PRKCA: variants seen among roughly 807,000 people sequenced by gnomAD.
The protein encoded by PRKCA is protein kinase C alpha.
A neutral mutation model predicts 87.0 loss-of-function variants in PRKCA; 27 were observed. The observed-to-expected ratio is 0.31, with a 90% CI of 0.23 to 0.43. The LOEUF is 0.43. Ranked by LOEUF, PRKCA falls within the 20% of genes least tolerant of loss-of-function variation. The pLI, the probability that PRKCA is intolerant of heterozygous loss-of-function variation, is 1.00. For synonymous variants in PRKCA, 329 were observed against 311.1 expected (o/e 1.06, Z -0.61); for missense variants, 518 against 852.3 (o/e 0.61, Z 4.88).
chr17:66,595,400 C>T (rs1969942453), intron 3 of PRKCA, among the ~76,000 whole-genome samples: 3 of 151,772 alleles, frequency 2.0e-5, no homozygotes, highest in Admixed American at 2.0e-4. Flanking sequence ...TTCTAGATCA[C>T]CTTATCTCAA....
chr17:66,681,941 T>C (rs1780224019), intron 5 of PRKCA, among the ~76,000 whole-genome samples: 1 of 152,220 alleles, frequency 6.6e-6, no homozygotes, highest in African/African-American at 2.4e-5. Flanking sequence ...CCACTTTTCA[T>C]CAAGCAGGCT....
rs533705006 is a variant in PRKCA at position 66,808,002 on chromosome 17, G to A, written c.*3965G>A. The A allele has an allele frequency of 6.6e-6, 1 of 152,128 alleles. No individual in the cohort carries two copies. The highest frequency in any genetic ancestry group is 1.9e-4 in the East Asian group (1 of 5,182). The allele number at this position is 152,128 out of a possible 1,614,324, so 9.4% of individuals were successfully genotyped here. A position where few individuals can be genotyped will look rare whatever the true frequency, so the allele number is the denominator to read the frequency against. On this transcript the variant is annotated 3_prime_UTR_variant, in exon 17 of 17. Transcript: ENST00000413366. ...GGCCCTCAAGAGAGTGTTTTGCCAG[G>A]GACACAGTCTGTTCCTCCTCAGAAA...
At chr17:66,423,750 TATAGTTC>T in intron 2 of PRKCA, among the ~76,000 whole-genome samples, 1 of 152,302 alleles carries the variant, frequency 6.6e-6, no homozygotes, top group African/African-American at 2.4e-5. Context: ...AAAGCACACT[TATAGTTC>T]TAGAACTTTG....
chr17:66,430,605 C>A (rs1361015906), intron 2 of PRKCA, among the ~76,000 whole-genome samples: 1 of 151,956 alleles, frequency 6.6e-6, no homozygotes, highest in Non-Finnish European at 1.5e-5. Flanking sequence ...GTGCACTGAG[C>A]CACAAAGAGG....
chr17:66,451,189 G>T lies in PRKCA; in HGVS notation c.206-45012G>T, dbSNP rs374324589. Among the ~76,000 whole-genome samples, 169 of 152,282 alleles carry T rather than the reference G, an allele frequency of 1.1e-3. 4 individuals are homozygous for T. In the South Asian group the frequency reaches 0.033, roughly 30 times the overall value. Reference sequence around the variant, plus strand: ...GCTATTCATCTTAGAAGGGAACAAAGTATCCATGCTGGTCTAGTGAAGCCA... The same window carrying T: ...GCTATTCATCTTAGAAGGGAACAAATTATCCATGCTGGTCTAGTGAAGCCA... On this transcript the variant is annotated intron_variant, in intron 2 of 16. Coordinates refer to ENST00000413366, the MANE Select transcript of PRKCA (RefSeq NM_002737.3).
chr17:66,347,353 A>C (rs574683632), intron 2 of PRKCA, among the ~76,000 whole-genome samples: 1 of 152,166 alleles, frequency 6.6e-6, no homozygotes, highest in African/African-American at 2.4e-5. Context: ...TGTATGTCTA[A>C]CACATATATG....
intron 2 of PRKCA, among the ~76,000 whole-genome samples, chr17:66,441,533 G>C (rs1022346748): frequency 5.9e-5 from 9 of 152,252 alleles, no homozygotes; most frequent in African/African-American, 2.2e-4. Context: ...CCTTGAAAAT[G>C]TTTATTTTTG....
At position 66,735,586 on chromosome 17, in the gene PRKCA, T is replaced by A. The variant is rs769786910; in HGVS notation, c.1154T>A (p.Met385Lys). 1.2e-6 allele frequency: 2 copies of A among 1,613,996 alleles called. No homozygotes were observed. Among genetic ancestry groups the A allele is most frequent in the Non-Finnish European group, 1.7e-6 (2 of 1,180,028 alleles). Residue 385 changes from methionine (M) to lysine (K), a missense_variant, in exon 10 of 17, where the codon ATG becomes AAG. This residue lies in a region of PRKCA where 300 missense variants were observed against 496.8 expected (regional missense o/e 0.60). Coordinates refer to ENST00000413366, the MANE Select transcript of PRKCA (RefSeq NM_002737.3). ...CAGGATGATGACGTGGAGTGCACCATGGTAGAAAAGCGAGTCTTGGCCCTG... is the reference window on the plus strand; with the variant it reads ...CAGGATGATGACGTGGAGTGCACCAAGGTAGAAAAGCGAGTCTTGGCCCTG... ...VIQDDDVECT[M>K]VEKRVLALLD...
At chr17:66,782,541 C>A (rs1975265507) in intron 14 of PRKCA, among the ~76,000 whole-genome samples, 1 of 152,156 alleles carries the variant, frequency 6.6e-6, no homozygotes, top group Non-Finnish European at 1.5e-5. Flanking sequence ...CCCATCAATT[C>A]ATTAGAGCTG....
intron 2 of PRKCA, among the ~76,000 whole-genome samples, chr17:66,466,320 G>A (rs1915086636): frequency 6.6e-6 from 1 of 152,174 alleles, no homozygotes; most frequent in Non-Finnish European, 1.5e-5. Context: ...GGGAAGTAGA[G>A]CTTGGTCCCA....
At chr17:66,322,458 T>C (rs1905726341) in intron 2 of PRKCA, among the ~76,000 whole-genome samples, 1 of 152,062 alleles carries the variant, frequency 6.6e-6, no homozygotes, top group Non-Finnish European at 1.5e-5. Context: ...TTTAAGAAAA[T>C]AAAATTCTTT....
intron 8 of PRKCA, among the ~76,000 whole-genome samples, chr17:66,704,242 G>T (rs1230620121): frequency 2.6e-5 from 4 of 151,044 alleles, no homozygotes; most frequent in Non-Finnish European, 5.9e-5. Context: ...CACCACTATT[G>T]ATTTGGTTTC....
intron 16 of PRKCA, among the ~76,000 whole-genome samples, chr17:66,793,073 T>C (rs1291725651): frequency 2.0e-5 from 3 of 152,212 alleles, no homozygotes; most frequent in Admixed American, 1.3e-4. Flanking sequence ...CTGTGAGCCC[T>C]GGACACAGGC....
At position 66,786,868 on chromosome 17, in the gene PRKCA, C is replaced by T; in HGVS notation, c.1607C>T (p.Pro536Leu). Residue 536 changes from proline to leucine, a missense_variant and splice_region_variant, in exon 15 of 17, where the codon CCT becomes CTT. This residue lies in a region of PRKCA where 159 missense variants were observed against 232.4 expected (regional missense o/e 0.68). Transcript: ENST00000413366. ...CATCTTTCTTTTTTTCCGGAACAGC[C>T]TCCATTTGATGGTGAAGATGAAGAC... is the stretch of plus-strand genomic sequence containing the variant. Reference protein sequence around the residue: ...VLLYEMLAGQPPFDGEDEDEL... With the variant: ...VLLYEMLAGQLPFDGEDEDEL... The T allele has an allele frequency of 6.2e-7, 1 of 1,613,072 alleles. No individual in the cohort carries two copies. The highest frequency in any genetic ancestry group is 8.5e-7 in the Non-Finnish European group (1 of 1,179,070).
At chr17:66,660,152 G>C (rs1489060858) in intron 5 of PRKCA, among the ~76,000 whole-genome samples, 1 of 152,064 alleles carries the variant, frequency 6.6e-6, no homozygotes, top group East Asian at 1.9e-4. Flanking sequence ...CTGGCTTTTG[G>C]GTACAAAAGC....
intron 13 of PRKCA, among the ~76,000 whole-genome samples, chr17:66,750,313 A>G (rs1366187903): frequency 6.6e-6 from 1 of 152,106 alleles, no homozygotes; most frequent in African/African-American, 2.4e-5. Flanking sequence ...TCAAAGGCCA[A>G]TTTCCCTCTA....
intron 2 of PRKCA, among the ~76,000 whole-genome samples, chr17:66,448,925 G>A (rs1468781379): frequency 6.9e-6 from 1 of 144,636 alleles, no homozygotes; most frequent in Non-Finnish European, 1.5e-5. Flanking sequence ...ACTTTTTTTT[G>A]TAGTATTCAT....
chr17:66,759,886 G>A (rs541218574), intron 13 of PRKCA, among the ~76,000 whole-genome samples: 1 of 152,364 alleles, frequency 6.6e-6, no homozygotes, highest in Non-Finnish European at 1.5e-5. Context: ...CATAGCAGTT[G>A]TTAATGTGTG....
At chr17:66,577,578 A>T (rs1450267869) in intron 3 of PRKCA, among the ~76,000 whole-genome samples, 1 of 152,184 alleles carries the variant, frequency 6.6e-6, no homozygotes, top group Non-Finnish European at 1.5e-5. Flanking sequence ...CTTCAGACCT[A>T]GAGCTCAGCC....
Sources: allele counts gnomAD v4.1 joint callset (sites outside exome capture counted in the v4.1 genomes callset), GRCh38; gene constraint gnomAD v4.1.1; regional missense constraint gnomAD v4.1.1; transcripts MANE v1.5; gene names NCBI Gene and HGNC (gene_info 2026-07-23, HGNC 2026-07-21).